PTPRD: variants seen among roughly 807,000 people sequenced by gnomAD.
PTPRD encodes protein tyrosine phosphatase receptor type D.
In PTPRD, 34 loss-of-function variants were observed where a neutral mutation model predicts 214.5. The observed-to-expected ratio is 0.16, with a 90% CI of 0.12 to 0.21. The LOEUF (loss-of-function observed/expected upper bound fraction) is 0.21. Among genes scored for constraint, PTPRD ranks in the 10% least tolerant of loss-of-function variants. The probability of loss-of-function intolerance (pLI) is 1.00; values close to 1 mark genes in which losing one functional copy is unlikely to be tolerated. For synonymous variants in PTPRD, 1,128 were observed against 845.7 expected, an observed-to-expected ratio of 1.33 and a Z score of -5.79; for missense variants, 2,545 against 2,398.7, an observed-to-expected ratio of 1.06 and a Z score of -1.27.
Position 10,154,503 on chromosome 9 carries a change from T to C in PTPRD, c.-544-120713A>G, listed in dbSNP as rs974910852. 3.9e-5 allele frequency among the ~76,000 whole-genome samples: 6 copies of C among 152,208 alleles called. No homozygotes were observed. The South Asian group carries it at 1.0e-3, about 26-fold the overall frequency. On this transcript the variant is annotated intron_variant, in intron 3 of 45. Coordinates refer to ENST00000381196, the MANE Select transcript of PTPRD (RefSeq NM_002839.4). ...TTGTCAATTTTTGCATTGGTTGCAGTTGCTTTTGATGCTTACTTCATGAAA... is the reference window on the plus strand; with the variant it reads ...TTGTCAATTTTTGCATTGGTTGCAGCTGCTTTTGATGCTTACTTCATGAAA...
At chr9:9,933,351 C>G (rs1210262021) in intron 5 of PTPRD, among the ~76,000 whole-genome samples, 1 of 151,890 alleles carries the variant, frequency 6.6e-6, no homozygotes, top group Non-Finnish European at 1.5e-5. Flanking sequence ...TGCAGAGACA[C>G]ACACAGGCTC....
At chr9:8,911,691 AT>A (rs957487084) in intron 11 of PTPRD, among the ~76,000 whole-genome samples, 1 of 151,954 alleles carries the variant, frequency 6.6e-6, no homozygotes, top group Non-Finnish European at 1.5e-5. Context: ...GCAAAATTTA[AT>A]TTTTTTTCTG....
chr9:8,996,914 G>A (rs2099399203), intron 11 of PTPRD, among the ~76,000 whole-genome samples: 1 of 151,998 alleles, frequency 6.6e-6, no homozygotes, highest in Admixed American at 6.6e-5. Context: ...TGTGATATTG[G>A]TTTTATGATT....
At chr9:8,890,400 C>T (rs994475264) in intron 11 of PTPRD, among the ~76,000 whole-genome samples, 1 of 152,174 alleles carries the variant, frequency 6.6e-6, no homozygotes. Flanking sequence ...AAACTATTGG[C>T]CTCAGGCAAG....
At chr9:9,963,513 G>C (rs1324195385) in intron 4 of PTPRD, among the ~76,000 whole-genome samples, 3 of 152,154 alleles carry the variant, frequency 2.0e-5, no homozygotes. Context: ...ATGGAAACCA[G>C]ATGGAAGCAT....
intron 3 of PTPRD, among the ~76,000 whole-genome samples, chr9:10,066,204 GTTTA>G (rs796517783): frequency 3.3e-4 from 50 of 151,422 alleles, no homozygotes; most frequent in African/African-American, 1.2e-3. Flanking sequence ...ACTTTGTTAT[GTTTA>G]TTGTTATGAA....
chr9:9,583,315 C>T lies in PTPRD; in HGVS notation c.-286-8534G>A, dbSNP rs528159641. On this transcript the variant is annotated intron_variant, in intron 7 of 45. Coordinates refer to ENST00000381196, the MANE Select transcript of PTPRD (RefSeq NM_002839.4). ...TACATCCTTATGTTTAATATTTTGACTCTTAGGCATTACTACTCAGAAAAA... is the reference window on the plus strand; with the variant it reads ...TACATCCTTATGTTTAATATTTTGATTCTTAGGCATTACTACTCAGAAAAA... Among the ~76,000 whole-genome samples, 26 of 152,036 alleles carry T rather than the reference C, an allele frequency of 1.7e-4. No individual in the cohort carries two copies. The East Asian group carries it at 4.5e-3, about 26-fold the overall frequency.
intron 3 of PTPRD, among the ~76,000 whole-genome samples, chr9:10,339,938 T>C (rs898179489): frequency 3.3e-5 from 5 of 151,808 alleles, no homozygotes; most frequent in East Asian, 1.9e-4. Flanking sequence ...TAACACCTTA[T>C]TCTTCATAAC....
At chr9:10,122,156 A>C (rs1332799331) in intron 3 of PTPRD, among the ~76,000 whole-genome samples, 1 of 152,024 alleles carries the variant, frequency 6.6e-6, no homozygotes, top group East Asian at 1.9e-4. Flanking sequence ...AAAAATACAA[A>C]AATTAGCTGG....
At position 9,595,856 on chromosome 9, in the gene PTPRD, A is replaced by G. The variant is rs946508451; in HGVS notation, c.-286-21075T>C. On this transcript the variant is annotated intron_variant, in intron 7 of 45. Transcript: ENST00000381196. ...AGCTGGGTGTAGTGTATACTGCTCAATGATAGGTACACCAAAATTTCACAA... is the reference window on the plus strand; with the variant it reads ...AGCTGGGTGTAGTGTATACTGCTCAGTGATAGGTACACCAAAATTTCACAA... Among the ~76,000 whole-genome samples, 3 of 151,988 alleles carry G rather than the reference A, an allele frequency of 2.0e-5. No homozygotes were observed. In the Admixed American group the frequency reaches 2.0e-4, roughly 10 times the overall value.
intron 27 of PTPRD, among the ~76,000 whole-genome samples, chr9:8,490,436 C>T (rs1037997558): frequency 6.6e-5 from 10 of 152,152 alleles, no homozygotes; most frequent in Middle Eastern, 3.2e-3. Context: ...CTAGTACCAA[C>T]GCAACAACAA....
chr9:10,368,313 C>T (rs951708739), intron 2 of PTPRD, among the ~76,000 whole-genome samples: 1 of 152,050 alleles, frequency 6.6e-6, no homozygotes, highest in Non-Finnish European at 1.5e-5. Context: ...AGAAGACCTA[C>T]AATGTCTTCT....
At chr9:9,786,232 G>A (rs1358612936) in intron 5 of PTPRD, among the ~76,000 whole-genome samples, 5 of 129,900 alleles carry the variant, frequency 3.8e-5, no homozygotes, top group Non-Finnish European at 4.8e-5. Flanking sequence ...ACATTTACCT[G>A]CATAAACTAA....
At chr9:8,764,939 G>A (rs1037690346) in intron 11 of PTPRD, among the ~76,000 whole-genome samples, 1 of 151,990 alleles carries the variant, frequency 6.6e-6, no homozygotes, top group Admixed American at 6.6e-5. Flanking sequence ...TACATTTAAT[G>A]AGTTATAATT....
chr9:9,716,627 T>G (rs1347149182), intron 7 of PTPRD, among the ~76,000 whole-genome samples: 1 of 152,230 alleles, frequency 6.6e-6, no homozygotes, highest in Admixed American at 6.5e-5. Flanking sequence ...TTTTTTCATG[T>G]GTTTTTTGGC....
intron 8 of PTPRD, among the ~76,000 whole-genome samples, chr9:9,469,866 G>A (rs879806163): frequency 6.6e-6 from 1 of 152,094 alleles, no homozygotes; most frequent in Non-Finnish European, 1.5e-5. Flanking sequence ...CCAATGAGGG[G>A]TCAGAATACC....
At chr9:10,348,925 C>T (rs980770266) in intron 2 of PTPRD, among the ~76,000 whole-genome samples, 2 of 151,988 alleles carry the variant, frequency 1.3e-5, no homozygotes, top group Non-Finnish European at 2.9e-5. Flanking sequence ...AGATTTTTAC[C>T]TTCAAGCTTA....
intron 30 of PTPRD, among the ~76,000 whole-genome samples, chr9:8,479,761 G>C (rs112274655): frequency 8.5e-5 from 13 of 152,066 alleles, no homozygotes; most frequent in African/African-American, 3.1e-4. Flanking sequence ...TAAATTAATA[G>C]TAAATGCTGA....
intron 3 of PTPRD, among the ~76,000 whole-genome samples, chr9:10,050,182 G>T (rs1300764036): frequency 6.6e-6 from 1 of 151,990 alleles, no homozygotes; most frequent in Non-Finnish European, 1.5e-5. Context: ...ACTAAGAAAA[G>T]AGGAAGACAA....
Sources: gnomAD v4.1 joint callset for allele counts (sites outside exome capture counted in the v4.1 genomes callset) on GRCh38, gnomAD v4.1.1 for gene constraint, MANE v1.5 for transcripts, NCBI Gene and HGNC (gene_info 2026-07-23, HGNC 2026-07-21) for gene names.